The following UST variants were observed in gnomAD, a reference collection of about 807,000 sequenced individuals.
UST encodes uronyl 2-sulfotransferase.
Under a neutral mutation model 45.6 loss-of-function variants are expected in UST, and 21 were observed. The observed-to-expected ratio is 0.46, with a 90% CI of 0.33 to 0.66. The LOEUF (loss-of-function observed/expected upper bound fraction) is 0.66, where lower values mean the gene tolerates loss of function less well. Ranked by LOEUF, UST falls within the 30% of genes least tolerant of loss-of-function variation. The probability of loss-of-function intolerance (pLI) is 0.02; values close to 1 mark genes in which losing one functional copy is unlikely to be tolerated. For synonymous variants in UST, 215 were observed against 200.6 expected, an observed-to-expected ratio of 1.07 and a Z score of -0.61; for missense variants, 463 against 512.4, an observed-to-expected ratio of 0.90 and a Z score of 0.93.
intron 1 of UST, among the ~76,000 whole-genome samples, chr6:148,840,075 A>G (rs1777860947): frequency 6.6e-6 from 1 of 152,224 alleles, no homozygotes; most frequent in Non-Finnish European, 1.5e-5. Context: ...TATTGCAAAC[A>G]GAGGGTATCT....
chr6:149,010,913 A>AAAAAAAAAAAAAAAAAAAAC lies in UST; in HGVS notation c.682-8220_682-8219insAAAAAAAAAAAAACAAAAAA, dbSNP rs755674810. On this transcript the variant is annotated intron_variant, in intron 5 of 7. Transcript: ENST00000367463. Reference sequence around the variant, plus strand: ...TCTCAACCAAAAAAAAAAAAAAAAAAAAAAAACTGTGACTATTTATTTGTC... The same window carrying AAAAAAAAAAAAAAAAAAAAC: ...TCTCAACCAAAAAAAAAAAAAAAAAAAAAAAAAAAAAAAAAAAAACAAAAAACTGTGACTATTTATTTGTC... Among the ~76,000 whole-genome samples, 182 of 92,962 alleles carry AAAAAAAAAAAAAAAAAAAAC rather than the reference A, an allele frequency of 2.0e-3. 9 individuals are homozygous for AAAAAAAAAAAAAAAAAAAAC. The highest frequency in any genetic ancestry group is 3.9e-3 in the African/African-American group (89 of 22,928). The allele number at this position is 92,962 out of a possible 152,430, so 61.0% of individuals were successfully genotyped here. A position where few individuals can be genotyped will look rare whatever the true frequency, so the allele number is the denominator to read the frequency against.
chr6:148,899,092 C>CTT lies in UST; in HGVS notation c.291+12087_291+12088dup, dbSNP rs3075093. 3.1e-3 allele frequency among the ~76,000 whole-genome samples: 204 copies of CTT among 65,566 alleles called. 8 individuals are homozygous for CTT. The highest frequency in any genetic ancestry group is 8.6e-3 in the African/African-American group (145 of 16,956). The allele number at this position is 65,566 out of a possible 152,430, so 43.0% of individuals were successfully genotyped here. On this transcript the variant is annotated intron_variant, in intron 2 of 7. Transcript: ENST00000367463. ...CAATATAGCATATAGCTACCTAATC[C>CTT]TTTTTTTTTTTTTTTTTTTTTTTTT...
rs146459490 is a variant in UST, at chr6:148,995,492, G to A, written c.682-23647G>A. ...CACAGATATCTTCTGTGTTCTAGTC[G>A]CATTACAAACTCTACTTGTTCCTTA... On this transcript the variant is annotated intron_variant, in intron 5 of 7. Coordinates refer to ENST00000367463, the MANE Select transcript of UST (RefSeq NM_005715.3). Among the ~76,000 whole-genome samples, 386 of 152,282 alleles carry A rather than the reference G, an allele frequency of 2.5e-3. 3 individuals carry two copies. The highest frequency in any genetic ancestry group is 8.8e-3 in the African/African-American group (367 of 41,570).
At chr6:149,004,202 G>A (rs191821044) in intron 5 of UST, among the ~76,000 whole-genome samples, 55 of 152,326 alleles carry the variant, frequency 3.6e-4, no homozygotes, top group Admixed American at 1.1e-3. Context: ...TAACTTGGAT[G>A]AGGTAGCTCC....
chr6:149,043,533 G>A (rs1776357352), intron 7 of UST, among the ~76,000 whole-genome samples: 1 of 152,282 alleles, frequency 6.6e-6, no homozygotes, highest in South Asian at 2.1e-4. Flanking sequence ...CTGTGTGGAA[G>A]GCCAGTGCTG....
intron 1 of UST, among the ~76,000 whole-genome samples, chr6:148,796,012 C>G (rs991767482): frequency 2.6e-5 from 4 of 152,152 alleles, no homozygotes; most frequent in Non-Finnish European, 5.9e-5. Flanking sequence ...GTGGTTTAAT[C>G]ACTGAACAAA....
intron 7 of UST, among the ~76,000 whole-genome samples, chr6:149,021,692 C>G (rs1282229460): frequency 6.6e-6 from 1 of 152,196 alleles, no homozygotes; most frequent in Non-Finnish European, 1.5e-5. Flanking sequence ...GCACCATGTT[C>G]CAAAGGCTTA....
At chr6:148,751,737 A>T (rs921466247) in intron 1 of UST, among the ~76,000 whole-genome samples, 16 of 148,590 alleles carry the variant, frequency 1.1e-4, no homozygotes, top group East Asian at 3.9e-4. Flanking sequence ...AATTCAGTGA[A>T]TTTTTTTTTT....
At chr6:148,975,593 T>A (rs972271602) in intron 5 of UST, among the ~76,000 whole-genome samples, 1 of 152,168 alleles carries the variant, frequency 6.6e-6, no homozygotes, top group African/African-American at 2.4e-5. Context: ...CTATCATCAT[T>A]ATAATAATAA....
intron 7 of UST, among the ~76,000 whole-genome samples, chr6:149,044,319 C>CA (rs535097550): frequency 2.6e-5 from 4 of 151,066 alleles, no homozygotes; most frequent in East Asian, 1.9e-4. Context: ...TTTTTCATTT[C>CA]AAAAAAAAAC....
chr6:149,033,108 A>G (rs1376418492), intron 7 of UST, among the ~76,000 whole-genome samples: 1 of 152,198 alleles, frequency 6.6e-6, no homozygotes, highest in Non-Finnish European at 1.5e-5. Flanking sequence ...TGATCTTTAT[A>G]AAAACGACCT....
intron 1 of UST, among the ~76,000 whole-genome samples, chr6:148,853,016 G>A (rs1215672217): frequency 1.3e-5 from 2 of 152,110 alleles, no homozygotes; most frequent in African/African-American, 2.4e-5. Context: ...TTGTTACATA[G>A]GTAAACGTGT....
intron 7 of UST, among the ~76,000 whole-genome samples, chr6:149,022,949 T>C (rs1278908458): frequency 6.6e-6 from 1 of 152,236 alleles, no homozygotes; most frequent in African/African-American, 2.4e-5. Flanking sequence ...AGAATTTTAA[T>C]GTAAAGAGTT....
At chr6:148,801,684 T>C (rs1183696196) in intron 1 of UST, among the ~76,000 whole-genome samples, 1 of 152,134 alleles carries the variant, frequency 6.6e-6, no homozygotes, top group African/African-American at 2.4e-5. Context: ...ACCCTCATCC[T>C]CCTGGGGCTT....
At chr6:148,886,753 T>C (rs1413332022) in intron 1 of UST, among the ~76,000 whole-genome samples, 1 of 152,170 alleles carries the variant, frequency 6.6e-6, no homozygotes, top group Non-Finnish European at 1.5e-5. Context: ...TATGTATGTT[T>C]GTGTGCATAC....
chr6:148,893,321 C>T (rs1779055201), intron 2 of UST, among the ~76,000 whole-genome samples: 1 of 152,192 alleles, frequency 6.6e-6, no homozygotes, highest in African/African-American at 2.4e-5. Context: ...TTGTATAGTG[C>T]TTTGCAGTGT....
intron 2 of UST, among the ~76,000 whole-genome samples, chr6:148,896,327 C>T (rs1274379400): frequency 6.6e-6 from 1 of 152,232 alleles, no homozygotes; most frequent in African/African-American, 2.4e-5. Context: ...TGGTTTTCCT[C>T]TTCTCTGTGA....
intron 1 of UST, among the ~76,000 whole-genome samples, chr6:148,819,214 C>G (rs1777410959): frequency 6.6e-6 from 1 of 152,044 alleles, no homozygotes; most frequent in African/African-American, 2.4e-5. Context: ...ATTACTGATC[C>G]TGTTAGCAGA....
intron 1 of UST, among the ~76,000 whole-genome samples, chr6:148,874,595 T>A (rs1328147801): frequency 6.6e-6 from 1 of 152,256 alleles, no homozygotes; most frequent in Non-Finnish European, 1.5e-5. Flanking sequence ...CAGATTTTTT[T>A]AAGCAGATAT....
Sources: allele counts gnomAD v4.1 joint callset (sites outside exome capture counted in the v4.1 genomes callset), GRCh38; gene constraint gnomAD v4.1.1; transcripts MANE v1.5; gene names NCBI Gene and HGNC (gene_info 2026-07-23, HGNC 2026-07-21).